The following MESD variants were observed in gnomAD, a reference collection of about 807,000 sequenced individuals.
MESD encodes the protein LRP chaperone MESD.
In MESD, 7 loss-of-function variants were observed where a neutral mutation model predicts 12.9. That is an observed-to-expected ratio of 0.54 (90% CI 0.31 to 1.02). The LOEUF is 1.02. Among genes scored for constraint, MESD ranks in the 50% least tolerant of loss-of-function variants. MESD has a pLI of 0.05. For missense variants in MESD, 342 were observed against 296.7 expected, an observed-to-expected ratio of 1.15 and a Z score of -1.12; for synonymous variants, 126 against 115.6, an observed-to-expected ratio of 1.09 and a Z score of -0.58.
chr15:80,979,555 T>C lies in MESD; in HGVS notation c.447-78A>G, dbSNP rs1272956951. On this transcript the variant is annotated intron_variant, in intron 2 of 2. Coordinates refer to ENST00000261758, the MANE Select transcript of MESD (RefSeq NM_015154.3). Reference sequence around the variant, plus strand: ...GGGGTCAGAGCAATTCTCTGGCACTTATCAGTTTATTTCAAATTCTACATG... The same window carrying C: ...GGGGTCAGAGCAATTCTCTGGCACTCATCAGTTTATTTCAAATTCTACATG... 2.0e-6 allele frequency: 3 copies of C among 1,484,040 alleles called. No homozygotes were observed. In the South Asian group the frequency reaches 4.0e-5, roughly 20 times the overall value. The allele number at this position is 1,484,040 out of a possible 1,614,324, so 91.9% of individuals were successfully genotyped here.
intron 1 of MESD, among the ~76,000 whole-genome samples, chr15:80,985,209 C>T (rs1222166586): frequency 6.6e-5 from 10 of 152,228 alleles, no homozygotes; most frequent in Non-Finnish European, 1.2e-4. Flanking sequence ...CAGACGGATG[C>T]GCTCCATCAC....
At chr15:80,987,424 G>A (rs192705253) in intron 1 of MESD, among the ~76,000 whole-genome samples, 1 of 152,158 alleles carries the variant, frequency 6.6e-6, no homozygotes, top group Admixed American at 6.5e-5. Context: ...GGCGTTATCT[G>A]GCTTTACAGA....
At chr15:80,974,539 A>C (rs954787184), downstream of MESD, among the ~76,000 whole-genome samples, 1 of 152,134 alleles carries the variant, frequency 6.6e-6, no homozygotes, top group African/African-American at 2.4e-5. Flanking sequence ...AATTTTAATA[A>C]AAACAGCTCA....
rs763361869 is a variant in MESD at position 80,979,257 on chromosome 15, C to T, written c.667G>A (p.Glu223Lys). Residue 223 changes from glutamate to lysine, a missense_variant, in exon 3 of 3, where the codon GAA becomes AAA. Glu to Lys is a moderately conservative substitution (Grantham distance 56, BLOSUM62 1). Transcript: ENST00000261758. ...CTTTTATTCCCAGCTCGATTTTCTTCCTTGGAAGACCGAGATTTCAGATCT... is the reference window on the plus strand; with the variant it reads ...CTTTTATTCCCAGCTCGATTTTCTTTCTTGGAAGACCGAGATTTCAGATCT... Reference protein sequence around the residue: ...EGDLKSRSSKEENRAGNKRED... With the variant: ...EGDLKSRSSKKENRAGNKRED... 1.9e-6 allele frequency: 3 copies of T among 1,613,938 alleles called. No homozygotes were observed. The highest frequency in any genetic ancestry group is 1.7e-6 in the Non-Finnish European group (2 of 1,180,020).
chr15:80,952,823 G>A, intron 3 of MESD: 1 of 369,956 alleles, frequency 2.7e-6, no homozygotes, highest in Admixed American at 3.3e-5. Flanking sequence ...TTTGCCAGGA[G>A]AAAGAGATCA....
At chr15:80,946,940 G>T (rs1901580694), downstream of MESD, 1 of 1,526,068 alleles carries the variant, frequency 6.6e-7, no homozygotes, top group African/African-American at 1.4e-5. Context: ...TCTCCCTCTG[G>T]TCTAATTGGT....
In MESD at chr15:80,959,294, G is replaced by A. The variant is rs539188283; in HGVS notation, c.*289-6998C>T. On this transcript the variant is annotated intron_variant, in intron 3 of 4. Transcript: ENST00000561312. ...GTAGATGGAGGCTGGAGCTGCCGCA[G>A]TGCCTGGAAGGATGAAGGGCAGCCT... is the stretch of plus-strand genomic sequence containing the variant. Among the ~76,000 whole-genome samples, 17 of 152,334 alleles carry A rather than the reference G, an allele frequency of 1.1e-4. No individual in the cohort carries two copies. In the East Asian group the frequency reaches 3.1e-3, roughly 28 times the overall value.
downstream of MESD, among the ~76,000 whole-genome samples, chr15:80,971,278 G>A (rs1417045923): frequency 6.6e-6 from 1 of 152,124 alleles, no homozygotes; most frequent in Non-Finnish European, 1.5e-5. Flanking sequence ...GAAAACAATG[G>A]CCATCAGATT....
chr15:80,986,072 A>ATG (rs1023972617), intron 1 of MESD, among the ~76,000 whole-genome samples: 4 of 152,228 alleles, frequency 2.6e-5, no homozygotes, highest in Admixed American at 6.5e-5. Context: ...TCCATTGTAT[A>ATG]TGTGTGTGTG....
At chr15:80,946,370 G>A (rs1901553477), downstream of MESD, 1 of 155,052 alleles carries the variant, frequency 6.4e-6, no homozygotes, top group Non-Finnish European at 1.4e-5. Flanking sequence ...GATTCAGGAA[G>A]TCTGCAATGG....
chr15:80,962,803 A>T (rs1902110779), intron 3 of MESD, among the ~76,000 whole-genome samples: 1 of 152,238 alleles, frequency 6.6e-6, no homozygotes, highest in Admixed American at 6.5e-5. Flanking sequence ...ACAAAGACAC[A>T]ATGTACCAGA....
intron 3 of MESD, among the ~76,000 whole-genome samples, chr15:80,960,365 TAA>T (rs11295365): frequency 2.5e-3 from 277 of 112,270 alleles, no homozygotes; most frequent in Middle Eastern, 5.2e-3. Context: ...ATCCTGTGTT[TAA>T]AAAAAAAAAA....
At chr15:80,987,955 C>T (rs897886503) in intron 1 of MESD, among the ~76,000 whole-genome samples, 1 of 152,206 alleles carries the variant, frequency 6.6e-6, no homozygotes, top group Non-Finnish European at 1.5e-5. Flanking sequence ...GAGACCCTGT[C>T]TCTATAAAAA....
At chr15:80,988,360 G>A (rs1178378739) in intron 1 of MESD, among the ~76,000 whole-genome samples, 6 of 152,208 alleles carry the variant, frequency 3.9e-5, no homozygotes, top group African/African-American at 7.2e-5. Flanking sequence ...TGTTCCCAGT[G>A]CAATCTTTGT....
chr15:80,979,063 T>C lies in MESD; in HGVS notation c.*156A>G. On this transcript the variant is annotated 3_prime_UTR_variant, in exon 3 of 3. Coordinates refer to ENST00000261758, the MANE Select transcript of MESD (RefSeq NM_015154.3). ...TTACTTGAAGCCTATTAAGCAGTAA[T>C]TCTTTGACCACAAACTGGTCATGTG... 1 of 978,400 alleles carries C rather than the reference T, an allele frequency of 1.0e-6. No homozygotes were observed. The highest frequency in any genetic ancestry group is 2.4e-5 in the East Asian group (1 of 41,102). 60.6% of individuals were successfully genotyped at this position (978,400 alleles called of 1,614,324 possible). A position where few individuals can be genotyped will look rare whatever the true frequency, so the allele number is the denominator to read the frequency against.
chr15:80,989,684 G>T lies in MESD; in HGVS notation c.108C>A (p.Gly36=). 1 of 1,612,860 alleles carries T rather than the reference G, an allele frequency of 6.2e-7. No homozygotes were observed. The highest frequency in any genetic ancestry group is 8.5e-7 in the Non-Finnish European group (1 of 1,179,976). ...LPPPGSCAAE[G]SPGTPDESTP... ...TAGACTCGTCGGGCGTCCCGGGCGAGCCTTCGGCCGCGCAGGACCCAGGCG... is the reference window on the plus strand; with the variant it reads ...TAGACTCGTCGGGCGTCCCGGGCGATCCTTCGGCCGCGCAGGACCCAGGCG... The change falls in exon 1 of 3, where the codon GGC becomes GGA. Residue 36 remains glycine, a synonymous_variant. Coordinates refer to ENST00000261758, the MANE Select transcript of MESD (RefSeq NM_015154.3).
At position 80,981,935 on chromosome 15, in the gene MESD, T is replaced by C. The variant is rs200769777; in HGVS notation, c.446+15A>G. On this transcript the variant is annotated intron_variant, in intron 2 of 2. Coordinates refer to ENST00000261758, the MANE Select transcript of MESD (RefSeq NM_015154.3). ...CACAGCCTATGAGTCTCTCAGCTGG[T>C]TGTTGCTGCTTTACCTCTGGACGTC... The C allele has an allele frequency of 1.3e-6, 2 of 1,553,174 alleles. No homozygotes were observed. The highest frequency in any genetic ancestry group is 2.2e-5 in the East Asian group (1 of 44,576).
intron 3 of MESD, among the ~76,000 whole-genome samples, chr15:80,957,496 G>A (rs1326519986): frequency 6.6e-6 from 1 of 152,126 alleles, no homozygotes; most frequent in Admixed American, 6.6e-5. Flanking sequence ...GGCTGCTTGA[G>A]CGTGGTCAGT....
chr15:80,947,140 A>G (rs1901592411), downstream of MESD: 1 of 935,826 alleles, frequency 1.1e-6, no homozygotes. Context: ...GGGTGCTGTC[A>G]TCTTTTGCTG....
Sources: allele counts gnomAD v4.1 joint callset (sites outside exome capture counted in the v4.1 genomes callset), GRCh38; gene constraint gnomAD v4.1.1; transcripts MANE v1.5; gene names NCBI Gene and HGNC (gene_info 2026-07-23, HGNC 2026-07-21).